SECISBP2L: variants seen among roughly 807,000 people sequenced by gnomAD.
SECISBP2L encodes the protein selenocysteine insertion sequence-binding protein 2-like.
In SECISBP2L, 43 loss-of-function variants were observed where a neutral mutation model predicts 114.7. The ratio of observed to expected loss-of-function variants is 0.38; its 90% confidence interval spans 0.29 to 0.48. The LOEUF is 0.48. SECISBP2L is among the 20% of genes least tolerant of loss of function. The probability of loss-of-function intolerance (pLI) is 0.98; values close to 1 mark genes in which losing one functional copy is unlikely to be tolerated. For synonymous variants in SECISBP2L, 451 were observed against 439.7 expected (o/e 1.03, Z -0.32); for missense variants, 1,136 against 1,301.1 (o/e 0.87, Z 1.95).
chr15:48,998,972 A>G (rs183646272), intron 16 of SECISBP2L, among the ~76,000 whole-genome samples: 1 of 152,360 alleles, frequency 6.6e-6, no homozygotes, highest in East Asian at 1.9e-4. Flanking sequence ...CCTGTCACCA[A>G]GGAATTCACA....
Position 49,046,304 on chromosome 15 carries a change from C to A in SECISBP2L, c.-5G>T, listed in dbSNP as rs761868171. ...CTCCGTGGGGGCTCGGTCCATGGTGCCTGCAGCCGCAACGGGCCCGCGCTA... is the reference window on the plus strand; with the variant it reads ...CTCCGTGGGGGCTCGGTCCATGGTGACTGCAGCCGCAACGGGCCCGCGCTA... On this transcript the variant is annotated 5_prime_UTR_variant, in exon 1 of 18. Coordinates refer to ENST00000559471, the MANE Select transcript of SECISBP2L (RefSeq NM_001193489.2). The A allele has an allele frequency of 6.5e-7, 1 of 1,547,776 alleles. No individual in the cohort carries two copies. Among genetic ancestry groups the A allele is most frequent in the Non-Finnish European group, 8.7e-7 (1 of 1,147,784 alleles).
At position 48,992,889 on chromosome 15, in the gene SECISBP2L, T is replaced by C; in HGVS notation, c.2661A>G (p.Gly887=). Residue 887 remains glycine, a synonymous_variant, in exon 18 of 18, where the codon GGA becomes GGG. Coordinates refer to ENST00000559471, the MANE Select transcript of SECISBP2L (RefSeq NM_001193489.2). ...NWRNMVETSD[G]LEASENEKEV... The stretch of plus-strand genomic sequence containing the variant: ...CTTTCTCATTTTCTGATGCTTCCAG[T>C]CCATCTGAAGTTTCCACCATGTTTC... 1 of 1,614,098 alleles carries C rather than the reference T, an allele frequency of 6.2e-7. No homozygotes were observed. The highest frequency in any genetic ancestry group is 8.5e-7 in the Non-Finnish European group (1 of 1,179,942).
At chr15:49,000,576 A>C (rs541017700) in intron 15 of SECISBP2L, among the ~76,000 whole-genome samples, 35 of 152,368 alleles carry the variant, frequency 2.3e-4, no homozygotes, top group Middle Eastern at 6.8e-3. Flanking sequence ...TTTTAAAAGC[A>C]GAATATATTT....
At chr15:49,043,983 A>C (rs1342454397) in intron 1 of SECISBP2L, among the ~76,000 whole-genome samples, 3 of 152,072 alleles carry the variant, frequency 2.0e-5, no homozygotes, top group African/African-American at 7.2e-5. Context: ...TTAAAGTTAC[A>C]CTTGTAAAGT....
At chr15:49,032,321 C>T (rs915266255) in intron 4 of SECISBP2L, among the ~76,000 whole-genome samples, 4 of 152,118 alleles carry the variant, frequency 2.6e-5, no homozygotes, top group African/African-American at 9.7e-5. Context: ...AGTTTCTGTA[C>T]TGAGATCAAA....
In SECISBP2L at chr15:48,999,882, T is replaced by C. The variant is rs1902167592; in HGVS notation, c.2354A>G (p.Lys785Arg). 2 of 1,613,944 alleles carry C rather than the reference T, an allele frequency of 1.2e-6. No individual in the cohort carries two copies. The highest frequency in any genetic ancestry group is 1.7e-6 in the Non-Finnish European group (2 of 1,179,966). The change falls in exon 16 of 18, where the codon AAG (lysine) becomes AGG (arginine). Residue 785 changes from lysine (K) to arginine (R), a missense_variant. Coordinates refer to ENST00000559471, the MANE Select transcript of SECISBP2L (RefSeq NM_001193489.2). ...GRKALGRCVNKLVPVSVVGIF... is the reference protein window; with the variant it reads ...GRKALGRCVNRLVPVSVVGIF... ...TCCCACTACGCTAACAGGAACCAGC[T>C]TGTTCACACAGCGTCCTAGAGCTTT...
In SECISBP2L at chr15:48,992,253, T is replaced by C. The variant is rs1204289805; in HGVS notation, c.3297A>G (p.Gln1099=). 2 of 1,601,608 alleles carry C rather than the reference T, an allele frequency of 1.2e-6. No homozygotes were observed. The highest frequency in any genetic ancestry group is 1.7e-6 in the Non-Finnish European group (2 of 1,172,944). Residue 1099 remains glutamine (Q), a synonymous_variant, in exon 18 of 18, where the codon CAA becomes CAG. Transcript: ENST00000559471. ...KEHSDSNYTT[Q]TT ...GCCGACATTTCCTGAGTTACGTAGT[T>C]TGCGTTGTGTAATTAGAATCAGAGT... is the stretch of plus-strand genomic sequence containing the variant.
chr15:48,994,842 GAA>G (rs34085482), intron 17 of SECISBP2L, among the ~76,000 whole-genome samples: 4,483 of 132,908 alleles, frequency 0.034, 124 homozygotes, highest in East Asian at 0.15. Context: ...AAGTGCTGGG[GAA>G]AAAAAAAAAA....
chr15:48,994,678 C>T (rs1044034155), intron 17 of SECISBP2L, among the ~76,000 whole-genome samples: 9 of 152,076 alleles, frequency 5.9e-5, no homozygotes, highest in Admixed American at 2.0e-4. Flanking sequence ...TGAAGTTTTT[C>T]CTAACTCCTG....
rs1901942903 is a variant in SECISBP2L, at chr15:48,990,098, TAA to T, written c.*2144_*2145del. ...ACACTTCTGAAGTCTATAGCAAAAC[TAA>T]AAGTTACCAGTGTTCTGAAGATTTC... On this transcript the variant is annotated 3_prime_UTR_variant, in exon 18 of 18. Transcript: ENST00000559471. 6.6e-6 allele frequency: 1 copy of T among 152,618 alleles called. No homozygotes were observed. Among genetic ancestry groups the T allele is most frequent in the African/African-American group, 2.4e-5 (1 of 41,446 alleles). The allele number at this position is 152,618 out of a possible 1,614,324, so 9.5% of individuals were successfully genotyped here. A position where few individuals can be genotyped will look rare whatever the true frequency, so the allele number is the denominator to read the frequency against.
chr15:49,012,942 A>G (rs1902466197), intron 11 of SECISBP2L, 125 bp from the exon 12 acceptor site: 2 of 857,068 alleles, frequency 2.3e-6, no homozygotes, highest in Non-Finnish European at 1.8e-6. Flanking sequence ...TAACAGTAGG[A>G]GCACTATACA....
intron 17 of SECISBP2L, among the ~76,000 whole-genome samples, chr15:48,994,647 T>C (rs982207879): frequency 1.3e-5 from 2 of 152,124 alleles, no homozygotes; most frequent in Non-Finnish European, 2.9e-5. Flanking sequence ...TGATAACCAC[T>C]CTTAAATGTT....
Position 48,992,926 on chromosome 15 carries a change from T to G in SECISBP2L, c.2624A>C (p.Glu875Ala). The change falls in exon 18 of 18, where the codon GAA becomes GCA. Residue 875 changes from glutamate to alanine, a missense_variant and splice_region_variant. By Grantham distance (107) the Glu-to-Ala change is moderately radical. Coordinates refer to ENST00000559471, the MANE Select transcript of SECISBP2L (RefSeq NM_001193489.2). Reference protein sequence around the residue: ...PISEVNEKEYETNWRNMVETS... With the variant: ...PISEVNEKEYATNWRNMVETS... ...TTCCACCATGTTTCTCCAATTTGTT[T>G]CTACAAGTATCAAGCAGATTTTTTA... 8 of 1,608,194 alleles carry G rather than the reference T, an allele frequency of 5.0e-6. No homozygotes were observed. Among genetic ancestry groups the G allele is most frequent in the Non-Finnish European group, 6.8e-6 (8 of 1,176,302 alleles).
rs988720225 is a variant in SECISBP2L at position 49,011,537 on chromosome 15, A to C, written c.1864+194T>G. 7 of 592,368 alleles carry C rather than the reference A, an allele frequency of 1.2e-5. No homozygotes were observed. In the African/African-American group the frequency reaches 1.3e-4, roughly 11 times the overall value. 36.7% of individuals were successfully genotyped at this position (592,368 alleles called of 1,614,324 possible). A position where few individuals can be genotyped will look rare whatever the true frequency, so the allele number is the denominator to read the frequency against. On this transcript the variant is annotated intron_variant, in intron 13 of 17. Transcript: ENST00000559471. ...CAAAAATGTCATAGGCCTACTATAT[A>C]ATACCTGTCCCCTTCTCTTTAACCA...
rs8033060 is a variant in SECISBP2L, at chr15:48,991,868, T to C, written c.*376A>G. On this transcript the variant is annotated 3_prime_UTR_variant, in exon 18 of 18. Coordinates refer to ENST00000559471, the MANE Select transcript of SECISBP2L (RefSeq NM_001193489.2). Reference sequence around the variant, plus strand: ...AAACAATTTTTTGGTCAAATTAGAGTAGAGGAGGTGGAGTCCTGAAGCAAA... The same window carrying C: ...AAACAATTTTTTGGTCAAATTAGAGCAGAGGAGGTGGAGTCCTGAAGCAAA... 0.67 allele frequency: 105,665 copies of C among 158,600 alleles called. 35,860 individuals carry two copies. The highest frequency in any genetic ancestry group is 0.74 in the Middle Eastern group (231 of 314). The allele number at this position is 158,600 out of a possible 1,614,324, so 9.8% of individuals were successfully genotyped here. A position where few individuals can be genotyped will look rare whatever the true frequency, so the allele number is the denominator to read the frequency against.
intron 1 of SECISBP2L, among the ~76,000 whole-genome samples, chr15:49,040,720 A>T: frequency 6.6e-6 from 1 of 150,400 alleles, no homozygotes. Flanking sequence ...TTGAATTTTT[A>T]GTAGAGACGG....
chr15:49,041,213 T>C (rs921254244), intron 1 of SECISBP2L, among the ~76,000 whole-genome samples: 3 of 152,216 alleles, frequency 2.0e-5, no homozygotes, highest in African/African-American at 7.2e-5. Context: ...AGCAAAACTA[T>C]CTTCATCTTT....
At chr15:49,019,611 A>C in intron 7 of SECISBP2L, 59 bp from the exon 8 acceptor site, 3 of 1,319,898 alleles carry the variant, frequency 2.3e-6, no homozygotes, top group Non-Finnish European at 2.9e-6. Context: ...TGTTTCACTC[A>C]AATATATAAC....
intron 17 of SECISBP2L, among the ~76,000 whole-genome samples, chr15:48,995,125 C>G (rs752656146): frequency 6.6e-6 from 1 of 152,130 alleles, no homozygotes; most frequent in African/African-American, 2.4e-5. Context: ...TTTTATACTA[C>G]TTGTGTTTAT....
Sources: allele counts gnomAD v4.1 joint callset (sites outside exome capture counted in the v4.1 genomes callset), GRCh38; gene constraint gnomAD v4.1.1; transcripts MANE v1.5; gene names NCBI Gene and HGNC (gene_info 2026-07-23, HGNC 2026-07-21).